PLG: variants seen among roughly 807,000 people sequenced by gnomAD.
PLG encodes plasmin.
Under a neutral mutation model 104.4 loss-of-function variants are expected in PLG, and 41 were observed. The observed-to-expected ratio is 0.39, with a 90% CI of 0.31 to 0.51. The LOEUF is 0.51. Ranked by LOEUF, PLG falls within the 20% of genes least tolerant of loss-of-function variation. The pLI is 0.76. For missense variants in PLG, 891 were observed against 1,003.6 expected, an observed-to-expected ratio of 0.89 and a Z score of 1.52; for synonymous variants, 337 against 357.1, an observed-to-expected ratio of 0.94 and a Z score of 0.63.
intron 4 of PLG, among the ~76,000 whole-genome samples, chr6:160,712,727 T>C (rs1354521191): frequency 2.0e-5 from 3 of 152,130 alleles, no homozygotes; most frequent in African/African-American, 7.2e-5. Flanking sequence ...CCTTTATATT[T>C]CTCCTGACTG....
chr6:160,713,659 A>T (rs535295384), intron 5 of PLG, among the ~76,000 whole-genome samples: 1 of 152,144 alleles, frequency 6.6e-6, no homozygotes, highest in East Asian at 1.9e-4. Context: ...TATGCTTACA[A>T]CTCTTACACA....
At chr6:160,751,412 G>A (rs775283080) in intron 17 of PLG, among the ~76,000 whole-genome samples, 12 of 152,186 alleles carry the variant, frequency 7.9e-5, no homozygotes, top group Non-Finnish European at 1.5e-4. Context: ...GGACTATTGC[G>A]AGGATTAAGT....
chr6:160,735,686 C>T lies in PLG; in HGVS notation c.1682-1201C>T, dbSNP rs1562379685. ...TGGTGAATGATTTTAATAACTATTT[C>T]CTTTCCACCAACATATACAGTACAA... On this transcript the variant is annotated intron_variant, in intron 13 of 18. Transcript: ENST00000308192. The surrounding 1 kb of genome is among the most constrained non-coding windows in gnomAD (Gnocchi z 5.4). 6.6e-6 allele frequency among the ~76,000 whole-genome samples: 1 copy of T among 152,160 alleles called. No homozygotes were observed.
chr6:160,703,515 G>C (rs369558907), intron 1 of PLG, among the ~76,000 whole-genome samples: 133 of 152,234 alleles, frequency 8.7e-4, no homozygotes, highest in African/African-American at 3.1e-3. Context: ...CATACAAACG[G>C]AATCATACGA....
At position 160,707,735 on chromosome 6, in the gene PLG, T is replaced by A. The variant is rs761016779; in HGVS notation, c.221T>A (p.Val74Glu). The A allele has an allele frequency of 1.9e-6, 3 of 1,611,526 alleles. No individual in the cohort carries two copies. Among genetic ancestry groups the A allele is most frequent in the East Asian group, 2.2e-5 (1 of 44,860 alleles). The change falls in exon 3 of 19, where the codon GTG (valine) becomes GAG (glutamate). Residue 74 changes from valine to glutamate, a missense_variant. This residue lies in a region of PLG where 854 missense variants were observed against 932.1 expected (regional missense o/e 0.92). Coordinates refer to ENST00000308192, the MANE Select transcript of PLG (RefSeq NM_000301.5). ...TATCACAGTAAAGAGCAACAATGTG[T>A]GATAATGGCTGAAAACAGGAAGTCC... ...FQYHSKEQQCVIMAENRKSSI... is the reference protein window; with the variant it reads ...FQYHSKEQQCEIMAENRKSSI...
chr6:160,709,625 T>G (rs1429005009), intron 3 of PLG, among the ~76,000 whole-genome samples: 4 of 152,188 alleles, frequency 2.6e-5, no homozygotes, highest in African/African-American at 9.7e-5. Flanking sequence ...CAGCTCCTTC[T>G]TATCTCCTAG....
At position 160,736,926 on chromosome 6, in the gene PLG, C is replaced by T. The variant is rs745737842; in HGVS notation, c.1721C>T (p.Pro574Leu). Residue 574 changes from proline to leucine, a missense_variant, in exon 14 of 19, where the codon CCG (proline) becomes CTG (leucine). Physicochemically the swap from Pro to Leu is moderately conservative, Grantham distance 98. Coordinates refer to ENST00000308192, the MANE Select transcript of PLG (RefSeq NM_000301.5). This position sits in a 1 kb window ranked among gnomAD's most constrained non-coding sequence, Gnocchi z 5.2. ...SFDCGKPQVE[P>L]KKCPGRVVGG... ...GATTGTGGGAAGCCTCAAGTGGAGC[C>T]GAAGAAATGTCCTGGAAGGGTTGTA... is the stretch of plus-strand genomic sequence containing the variant. The T allele has an allele frequency of 1.2e-6, 2 of 1,613,944 alleles. No homozygotes were observed. The highest frequency in any genetic ancestry group is 1.7e-6 in the Non-Finnish European group (2 of 1,179,918).
rs939012647 is a variant in PLG, at chr6:160,736,566, A to C, written c.1682-321A>C. Among the ~76,000 whole-genome samples, 3 of 152,218 alleles carry C rather than the reference A, an allele frequency of 2.0e-5. No individual in the cohort carries two copies. The highest frequency in any genetic ancestry group is 4.4e-5 in the Non-Finnish European group (3 of 68,038). On this transcript the variant is annotated intron_variant, in intron 13 of 18. Transcript: ENST00000308192. The surrounding 1 kb of genome is among the most constrained non-coding windows in gnomAD (Gnocchi z 5.2). ...TCTAAACATACTGCATGGAGTCAGA[A>C]TAACAATGACAAATAACCATTTGTC...
At chr6:160,717,015 T>C (rs906643963) in intron 7 of PLG, among the ~76,000 whole-genome samples, 1 of 152,238 alleles carries the variant, frequency 6.6e-6, no homozygotes, top group African/African-American at 2.4e-5. Context: ...AGGAGTTCAC[T>C]GAAATGTAGG....
chr6:160,718,747 C>T lies in PLG; in HGVS notation c.1005C>T (p.Cys335=). Residue 335 remains cysteine (C), a synonymous_variant, in exon 9 of 19, where the codon TGC becomes TGT. Transcript: ENST00000308192. ...RNPDGKRAPW[C]HTTNSQVRWE... is the part of the protein sequence containing the mutation. ...CTGACGGAAAAAGGGCCCCATGGTGCCATACAACCAACAGCCAAGTGCGGT... is the reference window on the plus strand; with the variant it reads ...CTGACGGAAAAAGGGCCCCATGGTGTCATACAACCAACAGCCAAGTGCGGT... The T allele has an allele frequency of 6.2e-7, 1 of 1,613,552 alleles. No individual in the cohort carries two copies. Among genetic ancestry groups the T allele is most frequent in the Non-Finnish European group, 8.5e-7 (1 of 1,179,516 alleles).
rs1187315234 is a variant in PLG, at chr6:160,753,983, A to C, written c.*922A>C. ...AACAATGCAACAGTCATCTTACAGCAGAGAAATGCAGAGAAAAGCAAAACT... is the reference window on the plus strand; with the variant it reads ...AACAATGCAACAGTCATCTTACAGCCGAGAAATGCAGAGAAAAGCAAAACT... On this transcript the variant is annotated 3_prime_UTR_variant, in exon 19 of 19. Coordinates refer to ENST00000308192, the MANE Select transcript of PLG (RefSeq NM_000301.5). The surrounding 1 kb of genome is among the most constrained non-coding windows in gnomAD (Gnocchi z 5.4). 1.3e-5 allele frequency among the ~76,000 whole-genome samples: 2 copies of C among 152,262 alleles called. No homozygotes were observed. Among genetic ancestry groups the C allele is most frequent in the Non-Finnish European group, 2.9e-5 (2 of 68,042 alleles).
intron 10 of PLG, among the ~76,000 whole-genome samples, chr6:160,728,300 A>C (rs6919060): frequency 4.9e-4 from 2 of 4,116 alleles, no homozygotes; most frequent in Admixed American, 4.1e-3. Flanking sequence ...GAAGGAATCA[A>C]AAGATCTAAA....
intron 3 of PLG, among the ~76,000 whole-genome samples, chr6:160,709,562 C>A (rs780771294): frequency 1.3e-5 from 2 of 152,174 alleles, no homozygotes; most frequent in Non-Finnish European, 2.9e-5. Flanking sequence ...CCTTCACCAC[C>A]CCAAGCACAC....
chr6:160,728,446 T>C (rs1777952806), intron 10 of PLG, among the ~76,000 whole-genome samples: 1 of 8,728 alleles, frequency 1.1e-4, no homozygotes. Context: ...TATGCTAGAA[T>C]CACAAGGACA....
At chr6:160,722,672 CT>C in intron 10 of PLG, 105 bp downstream of exon 10, 1 of 983,604 alleles carries the variant, frequency 1.0e-6, no homozygotes, top group South Asian at 1.3e-5. Context: ...CCAAATTTCT[CT>C]TAGACCCAGA....
intron 10 of PLG, among the ~76,000 whole-genome samples, chr6:160,730,169 G>C (rs1418312517): frequency 6.6e-6 from 1 of 152,200 alleles, no homozygotes; most frequent in African/African-American, 2.4e-5. Context: ...CCCAGCCCGG[G>C]GTCCTCGCCT....
intron 1 of PLG, among the ~76,000 whole-genome samples, chr6:160,704,466 A>G (rs1353284277): frequency 6.6e-6 from 1 of 152,208 alleles, no homozygotes; most frequent in African/African-American, 2.4e-5. Context: ...GTTTAACTGA[A>G]CTCACTGTAG....
At chr6:160,710,527 C>T (rs923930865) in intron 3 of PLG, among the ~76,000 whole-genome samples, 6 of 151,854 alleles carry the variant, frequency 4.0e-5, no homozygotes, top group African/African-American at 1.2e-4. Flanking sequence ...TGGTTGAGAA[C>T]TTTTACTGCA....
At chr6:160,742,161 C>T (rs1244760004) in intron 17 of PLG, among the ~76,000 whole-genome samples, 1 of 152,098 alleles carries the variant, frequency 6.6e-6, no homozygotes, top group Non-Finnish European at 1.5e-5. Context: ...ATTTATATTC[C>T]TCTAGGTATA....
Sources: gnomAD v4.1 joint callset for allele counts (sites outside exome capture counted in the v4.1 genomes callset) on GRCh38, gnomAD v4.1.1 for gene constraint, gnomAD v4.1.1 regional missense constraint, Gnocchi (gnomAD v3.1) non-coding constraint, MANE v1.5 for transcripts, NCBI Gene and HGNC (gene_info 2026-07-23, HGNC 2026-07-21) for gene names.